Variants in EXOSC2 observed in about 807,000 individuals in gnomAD.
EXOSC2 encodes exosome complex component RRP4.
EXOSC2 carries 29 observed loss-of-function variants against 37.6 expected under a neutral mutation model. That is an observed-to-expected ratio of 0.77 (90% CI 0.57 to 1.05). The LOEUF is 1.05. Among genes scored for constraint, EXOSC2 ranks in the 50% least tolerant of loss-of-function variants. The pLI is 0.00. For missense variants in EXOSC2, 346 were observed against 365.6 expected (o/e 0.95, Z 0.44); for synonymous variants, 119 against 131.1 (o/e 0.91, Z 0.63).
intron 5 of EXOSC2, 125 bp downstream of exon 5, chr9:130,699,519 G>T: frequency 4.1e-6 from 4 of 969,194 alleles, no homozygotes; most frequent in Non-Finnish European, 6.6e-6. Context: ...CTTAGACCAA[G>T]TGTCGGGCTC....
At chr9:130,700,086 C>T (rs923622120) in intron 5 of EXOSC2, among the ~76,000 whole-genome samples, 4 of 151,202 alleles carry the variant, frequency 2.6e-5, no homozygotes, top group South Asian at 2.1e-4. Flanking sequence ...AGTGCAGTGG[C>T]GCGATCTCGG....
At position 130,698,669 on chromosome 9, in the gene EXOSC2, C is replaced by A. The variant is rs1412633253; in HGVS notation, c.360+418C>A. 6.6e-6 allele frequency among the ~76,000 whole-genome samples: 1 copy of A among 152,184 alleles called. No homozygotes were observed. Among genetic ancestry groups the A allele is most frequent in the Admixed American group, 6.5e-5 (1 of 15,276 alleles). Reference sequence around the variant, plus strand: ...ATGTGGTTGCTGGCATTCCAGACAACCACAGTAACTAAGCCACAGCCTTTT... The same window carrying A: ...ATGTGGTTGCTGGCATTCCAGACAAACACAGTAACTAAGCCACAGCCTTTT... On this transcript the variant is annotated intron_variant, in intron 4 of 8. Coordinates refer to ENST00000372358, the MANE Select transcript of EXOSC2 (RefSeq NM_014285.7). The surrounding 1 kb of genome is among the most constrained non-coding windows in gnomAD (Gnocchi z 4.1).
At position 130,703,900 on chromosome 9, in the gene EXOSC2, C is replaced by T. The variant is rs148480990; in HGVS notation, c.*126C>T. ...TTTGTCTGCATTGACGGCCCTGTGA[C>T]GGCCTCCAGCCCACAGGCCTGCTTT... On this transcript the variant is annotated 3_prime_UTR_variant, in exon 9 of 9. Transcript: ENST00000372358. 1,017 of 738,816 alleles carry T rather than the reference C, an allele frequency of 1.4e-3. 3 individuals are homozygous for T. In the African/African-American group the frequency reaches 0.014, roughly 10 times the overall value. The allele number at this position is 738,816 out of a possible 1,614,324, so 45.8% of individuals were successfully genotyped here.
Position 130,703,781 on chromosome 9 carries a change from G to A in EXOSC2, c.*7G>A. On this transcript the variant is annotated 3_prime_UTR_variant, in exon 9 of 9. Transcript: ENST00000372358. Reference sequence around the variant, plus strand: ...TTTGGAACAGGAGGGATAAGGAGGTGCTCCAGAAGCACGGGACTGTGGACC... The same window carrying A: ...TTTGGAACAGGAGGGATAAGGAGGTACTCCAGAAGCACGGGACTGTGGACC... 3.7e-6 allele frequency: 6 copies of A among 1,611,262 alleles called. No homozygotes were observed. Among genetic ancestry groups the A allele is most frequent in the Non-Finnish European group, 5.1e-6 (6 of 1,177,922 alleles).
chr9:130,699,053 A>C (rs540815009), intron 4 of EXOSC2, among the ~76,000 whole-genome samples: 55 of 152,258 alleles, frequency 3.6e-4, no homozygotes, highest in Non-Finnish European at 5.9e-4. Flanking sequence ...GAAGATGACT[A>C]TGGAAATGTT....
chr9:130,703,331 T>C (rs1019978250), intron 8 of EXOSC2, 150 bp downstream of exon 8: 4 of 926,182 alleles, frequency 4.3e-6, no homozygotes, highest in Non-Finnish European at 6.2e-6. Flanking sequence ...CTGGTAGATC[T>C]TTCCCTAAGA....
Position 130,699,331 on chromosome 9 carries a change from G to A in EXOSC2, c.363G>A (p.Arg121=). The A allele has an allele frequency of 1.9e-6, 3 of 1,614,148 alleles. No individual in the cohort carries two copies. Among genetic ancestry groups the A allele is most frequent in the Non-Finnish European group, 2.5e-6 (3 of 1,179,984 alleles). Residue 121 remains arginine (R), a splice_region_variant and synonymous_variant, in exon 5 of 9, where the codon AGG becomes AGA. Transcript: ENST00000372358. ...SSMNLPGGEL[R]RRSAEDELAM... Reference sequence around the variant, plus strand: ...TGTCATTTCTTTGTGTATTTCAGAGGAGAAGATCTGCAGAAGATGAGCTTG... The same window carrying A: ...TGTCATTTCTTTGTGTATTTCAGAGAAGAAGATCTGCAGAAGATGAGCTTG...
intron 6 of EXOSC2, 152 bp from the exon 7 acceptor site, chr9:130,701,982 A>G (rs1831224975): frequency 1.4e-6 from 2 of 1,435,880 alleles, no homozygotes; most frequent in Non-Finnish European, 1.8e-6. Context: ...GTTCTCTGCA[A>G]AAATGTGTAC....
At chr9:130,701,001 AG>A in intron 6 of EXOSC2, 66 bp downstream of exon 6, 1 of 1,521,250 alleles carries the variant, frequency 6.6e-7, no homozygotes, top group Non-Finnish European at 9.1e-7. Flanking sequence ...GAATCCCCAT[AG>A]CTCTCTGGAA....
intron 6 of EXOSC2, 30 bp downstream of exon 6, chr9:130,700,965 C>T: frequency 6.2e-7 from 1 of 1,606,536 alleles, no homozygotes; most frequent in Admixed American, 1.7e-5. Context: ...TTCCTGTTTG[C>T]TGACTGAGAC....
chr9:130,702,245 A>C lies in EXOSC2; in HGVS notation c.607A>C (p.Ile203Leu). The change falls in exon 7 of 9, where the codon ATC becomes CTC. Residue 203 changes from isoleucine to leucine, a missense_variant. Coordinates refer to ENST00000372358, the MANE Select transcript of EXOSC2 (RefSeq NM_014285.7). ...ASVILGNNGF[I>L]WIYPTPEHKE... ...AGTGATTCTCGGTAACAACGGCTTC[A>C]TCTGGATTTACCCAACACCTGAGCA... 1.2e-6 allele frequency: 2 copies of C among 1,614,132 alleles called. No homozygotes were observed. Among genetic ancestry groups the C allele is most frequent in the Non-Finnish European group, 1.7e-6 (2 of 1,180,032 alleles).
chr9:130,695,215 T>TG (rs1831067079), intron 1 of EXOSC2, among the ~76,000 whole-genome samples: 1 of 152,010 alleles, frequency 6.6e-6, no homozygotes, highest in South Asian at 2.1e-4. Context: ...CAATGGTATG[T>TG]GGGGGGAATG....
chr9:130,699,458 C>T (rs990137658), intron 5 of EXOSC2, 64 bp downstream of exon 5: 1 of 1,447,278 alleles, frequency 6.9e-7, no homozygotes, highest in Non-Finnish European at 9.7e-7. Context: ...ATGGGCCTTC[C>T]ATTGTATGTC....
rs772506400 is a variant in EXOSC2, at chr9:130,693,855, A to C, written c.64A>C (p.Thr22Pro). 9 of 1,612,526 alleles carry C rather than the reference A, an allele frequency of 5.6e-6. No homozygotes were observed. The Admixed American group carries it at 1.5e-4, about 27-fold the overall frequency. Reference sequence around the variant, plus strand: ...TCTTAGCGAGAGACTGGGCCGCGACACTAAGAAACATCTAGTGGTGCCGGG... The same window carrying C: ...TCTTAGCGAGAGACTGGGCCGCGACCCTAAGAAACATCTAGTGGTGCCGGG... The part of the protein sequence containing the change: ...KPLSERLGRD[T>P]KKHLVVPGDT... The change falls in exon 1 of 9, where the codon ACT becomes CCT. Residue 22 changes from threonine to proline, a missense_variant. Coordinates refer to ENST00000372358, the MANE Select transcript of EXOSC2 (RefSeq NM_014285.7).
chr9:130,697,978 G>C, intron 3 of EXOSC2, 184 bp from the exon 4 acceptor site: 1 of 580,778 alleles, frequency 1.7e-6, no homozygotes, highest in Non-Finnish European at 3.1e-6. Flanking sequence ...ATTTTTAGTA[G>C]AGATGGGGTT....
chr9:130,697,378 T>C (rs1831118982), intron 2 of EXOSC2, among the ~76,000 whole-genome samples: 1 of 152,232 alleles, frequency 6.6e-6, no homozygotes, highest in Admixed American at 6.5e-5. Context: ...TGTCTAAGGA[T>C]AGTTAATGGA....
chr9:130,703,268 A>G, intron 8 of EXOSC2, 87 bp downstream of exon 8: 1 of 1,446,070 alleles, frequency 6.9e-7, no homozygotes, highest in Non-Finnish European at 9.4e-7. Flanking sequence ...TCTCCCCAAT[A>G]CTTTCCCAAC....
At chr9:130,702,463 A>G (rs1324403479) in intron 7 of EXOSC2, among the ~76,000 whole-genome samples, 153 bp downstream of exon 7, 2 of 125,070 alleles carry the variant, frequency 1.6e-5, no homozygotes, top group African/African-American at 9.0e-5. Flanking sequence ...TGAAGCCCAT[A>G]TTATCTTCTC....
intron 8 of EXOSC2, 48 bp from the exon 9 acceptor site, chr9:130,703,646 G>C: frequency 6.7e-7 from 1 of 1,496,990 alleles, no homozygotes. Flanking sequence ...TTGGTGGTCT[G>C]TTTATGGTTG....
Sources: allele counts gnomAD v4.1 joint callset (sites outside exome capture counted in the v4.1 genomes callset), GRCh38; gene constraint gnomAD v4.1.1; non-coding constraint Gnocchi (gnomAD v3.1); transcripts MANE v1.5; gene names NCBI Gene and HGNC (gene_info 2026-07-23, HGNC 2026-07-21).